The following NPAS3 variants were observed in gnomAD, a reference collection of about 807,000 sequenced individuals.
The protein encoded by NPAS3 is neuronal PAS domain protein 3.
NPAS3 carries 14 observed loss-of-function variants against 73.1 expected under a neutral mutation model. That is an observed-to-expected ratio of 0.19 (90% CI 0.13 to 0.30). The LOEUF is 0.30. NPAS3 is among the 10% of genes least tolerant of loss of function. The pLI, the probability that NPAS3 is intolerant of heterozygous loss-of-function variation, is 1.00. For missense variants in NPAS3, 1,096 were observed against 1,250.0 expected, an observed-to-expected ratio of 0.88 and a Z score of 1.86; for synonymous variants, 620 against 541.5, an observed-to-expected ratio of 1.14 and a Z score of -2.01.
intron 4 of NPAS3, among the ~76,000 whole-genome samples, chr14:33,421,351 C>T (rs1032973938): frequency 3.3e-5 from 5 of 151,834 alleles, no homozygotes; most frequent in African/African-American, 7.3e-5. Flanking sequence ...TATTTTTCAA[C>T]AAAGGAATTT....
intron 4 of NPAS3, among the ~76,000 whole-genome samples, chr14:33,478,865 T>C (rs1165167979): frequency 6.6e-6 from 1 of 152,184 alleles, no homozygotes; most frequent in East Asian, 1.9e-4. Flanking sequence ...CCCTGAGCCT[T>C]AATCTCATGG....
chr14:32,988,764 GCTTA>G (rs929289815), intron 1 of NPAS3, among the ~76,000 whole-genome samples: 2 of 152,120 alleles, frequency 1.3e-5, no homozygotes, highest in Admixed American at 1.3e-4. Context: ...CTTCTCTAGG[GCTTA>G]CTTAATCTCT....
rs557186105 is a variant in NPAS3 at position 33,133,428 on chromosome 14, G to A, written c.140+77434G>A. On this transcript the variant is annotated intron_variant, in intron 2 of 11. Transcript: ENST00000356141. ...TGTACATCACTGAGTCGTTAGGACCGGTCAGAATTTGGCAGCATTCTGTTC... is the reference window on the plus strand; with the variant it reads ...TGTACATCACTGAGTCGTTAGGACCAGTCAGAATTTGGCAGCATTCTGTTC... Among the ~76,000 whole-genome samples, 8 of 152,198 alleles carry A rather than the reference G, an allele frequency of 5.3e-5. No individual in the cohort carries two copies. In the East Asian group the frequency reaches 7.7e-4, roughly 15 times the overall value.
At chr14:32,947,711 T>C (rs570167917) in intron 1 of NPAS3, among the ~76,000 whole-genome samples, 2 of 152,286 alleles carry the variant, frequency 1.3e-5, no homozygotes, top group African/African-American at 4.8e-5. Flanking sequence ...ATAAATGTCT[T>C]ACTTTAGATT....
In NPAS3 at chr14:33,636,351, G is replaced by A. The variant is rs146265723; in HGVS notation, c.559-39860G>A. ...CCCAGTGTCAGCATTAAAGGCTCAC[G>A]CTAGCATCTGCATTATTTGCCTGCC... On this transcript the variant is annotated intron_variant, in intron 5 of 11. Coordinates refer to ENST00000356141, the Ensembl canonical transcript of NPAS3. Among the ~76,000 whole-genome samples, 517 of 152,304 alleles carry A rather than the reference G, an allele frequency of 3.4e-3. 2 individuals carry two copies. The highest frequency in any genetic ancestry group is 0.012 in the African/African-American group (480 of 41,566).
At chr14:33,709,769 C>A (rs2060765197) in intron 6 of NPAS3, among the ~76,000 whole-genome samples, 1 of 152,164 alleles carries the variant, frequency 6.6e-6, no homozygotes, top group East Asian at 1.9e-4. Context: ...AAACCCAATC[C>A]TTTCTGCTTC....
At chr14:33,776,521 T>TTAAA (rs2062821554) in intron 8 of NPAS3, among the ~76,000 whole-genome samples, 1 of 32,016 alleles carries the variant, frequency 3.1e-5, no homozygotes, top group East Asian at 1.1e-3. Context: ...TTCTTCCTCT[T>TTAAA]AAAAAAAAAA....
chr14:33,698,381 G>A (rs2060443490), intron 6 of NPAS3, among the ~76,000 whole-genome samples: 1 of 152,214 alleles, frequency 6.6e-6, no homozygotes, highest in South Asian at 2.1e-4. Context: ...TGGTTTCCAT[G>A]TTCTTTTGAA....
chr14:33,454,653 G>A (rs2049945036), intron 4 of NPAS3, among the ~76,000 whole-genome samples: 1 of 152,158 alleles, frequency 6.6e-6, no homozygotes, highest in Admixed American at 6.5e-5. Context: ...TGGTATTTGA[G>A]AGCTGCAAAG....
chr14:33,169,767 G>T (rs1355784671), intron 2 of NPAS3, among the ~76,000 whole-genome samples: 4 of 152,184 alleles, frequency 2.6e-5, no homozygotes, highest in African/African-American at 9.7e-5. Context: ...TTGCTTCTGT[G>T]TTATGCAAAT....
intron 2 of NPAS3, among the ~76,000 whole-genome samples, chr14:33,141,725 G>A (rs527757012): frequency 2.0e-5 from 3 of 152,232 alleles, no homozygotes; most frequent in South Asian, 2.1e-4. Flanking sequence ...AAATATACTC[G>A]TGATGCACAT....
chr14:33,773,473 A>C (rs1595588109), intron 7 of NPAS3, among the ~76,000 whole-genome samples: 1 of 152,168 alleles, frequency 6.6e-6, no homozygotes, highest in East Asian at 1.9e-4. Flanking sequence ...AATCCTGCCT[A>C]TTTTTTACCC....
At chr14:33,578,627 C>T (rs985930640) in intron 5 of NPAS3, among the ~76,000 whole-genome samples, 4 of 152,216 alleles carry the variant, frequency 2.6e-5, no homozygotes, top group Admixed American at 1.3e-4. Flanking sequence ...GACTGAATAT[C>T]TTCCAACTTC....
intron 2 of NPAS3, among the ~76,000 whole-genome samples, chr14:33,161,061 T>C (rs1007607231): frequency 2.6e-5 from 4 of 152,236 alleles, no homozygotes; most frequent in Non-Finnish European, 4.4e-5. Flanking sequence ...TATGCGTTCA[T>C]GTACTGGCTG....
chr14:33,192,304 T>G (rs562467284), intron 2 of NPAS3, among the ~76,000 whole-genome samples: 1 of 152,372 alleles, frequency 6.6e-6, no homozygotes, highest in African/African-American at 2.4e-5. Context: ...TTTTTTTCTT[T>G]TTTAACATTG....
chr14:33,598,682 T>C (rs1345863006), intron 5 of NPAS3, among the ~76,000 whole-genome samples: 1 of 152,130 alleles, frequency 6.6e-6, no homozygotes. Flanking sequence ...GCTACATACG[T>C]TTGGGTTTGG....
intron 1 of NPAS3, among the ~76,000 whole-genome samples, chr14:33,049,481 C>T (rs1169081356): frequency 1.3e-5 from 2 of 152,168 alleles, no homozygotes; most frequent in African/African-American, 2.4e-5. Flanking sequence ...GAGCAAGTCA[C>T]ATCTTACGTG....
intron 5 of NPAS3, among the ~76,000 whole-genome samples, chr14:33,641,926 C>T (rs1391959522): frequency 6.6e-6 from 1 of 152,008 alleles, no homozygotes; most frequent in Non-Finnish European, 1.5e-5. Context: ...AAGTTTTTTA[C>T]CCCAAGTAAA....
chr14:33,253,079 G>A (rs2048648155), intron 3 of NPAS3, among the ~76,000 whole-genome samples: 1 of 152,040 alleles, frequency 6.6e-6, no homozygotes, highest in African/African-American at 2.4e-5. Context: ...GTGCTGCGAT[G>A]AACATAAGTG....
Sources: allele counts gnomAD v4.1 joint callset (sites outside exome capture counted in the v4.1 genomes callset), GRCh38; gene constraint gnomAD v4.1.1; transcripts MANE v1.5; gene names NCBI Gene and HGNC (gene_info 2026-07-23, HGNC 2026-07-21).